Variants in RAB7B observed in about 807,000 individuals in gnomAD.
RAB7B encodes RAB7B, member RAS oncogene family.
At chr1:205,995,222 T>G (rs1660790352) in intron 1 of RAB7B, among the ~76,000 whole-genome samples, 1 of 152,040 alleles carries the variant, frequency 6.6e-6, no homozygotes, top group East Asian at 1.9e-4. Context: ...TAAACCTGCA[T>G]GTTGTGCACA....
intron 4 of RAB7B, among the ~76,000 whole-genome samples, chr1:205,992,241 T>C (rs1379315305): frequency 2.6e-5 from 4 of 152,232 alleles, no homozygotes; most frequent in East Asian, 1.9e-4. Context: ...TGCCTCTCTA[T>C]TGTGGTTCCT....
At chr1:205,991,358 A>T (rs1316789383) in intron 4 of RAB7B, among the ~76,000 whole-genome samples, 6 of 152,184 alleles carry the variant, frequency 3.9e-5, no homozygotes, top group African/African-American at 1.2e-4. Flanking sequence ...GATATTTGTA[A>T]TTAGAGAATT....
chr1:205,988,051 T>C (rs1411218111), intron 4 of RAB7B, among the ~76,000 whole-genome samples: 1 of 152,114 alleles, frequency 6.6e-6, no homozygotes, highest in Non-Finnish European at 1.5e-5. Flanking sequence ...ATTGTAACCA[T>C]TTTTAAGCAT....
At chr1:205,995,336 T>C (rs1055821385) in intron 1 of RAB7B, among the ~76,000 whole-genome samples, 21 of 152,114 alleles carry the variant, frequency 1.4e-4, no homozygotes, top group African/African-American at 2.9e-4. Context: ...TTCCCACTTG[T>C]ATAGAAAAAC....
chr1:205,987,975 C>T (rs1660643089), intron 4 of RAB7B, among the ~76,000 whole-genome samples: 1 of 151,878 alleles, frequency 6.6e-6, no homozygotes, highest in African/African-American at 2.4e-5. Context: ...GAACTCCTGA[C>T]CTCAAGTGAT....
chr1:205,984,749 C>A (rs1221002699), intron 5 of RAB7B, among the ~76,000 whole-genome samples: 1 of 152,152 alleles, frequency 6.6e-6, no homozygotes, highest in African/African-American at 2.4e-5. Flanking sequence ...GTCATGAAGC[C>A]CCTGCTTTCT....
chr1:205,980,477 C>G (rs1005099545), intron 5 of RAB7B, among the ~76,000 whole-genome samples: 19 of 152,252 alleles, frequency 1.2e-4, no homozygotes, highest in African/African-American at 4.6e-4. Context: ...GGCCCCAGGC[C>G]TCTTGACAAC....
At chr1:206,002,965 C>T (rs1044646732) in intron 1 of RAB7B, among the ~76,000 whole-genome samples, 2 of 152,236 alleles carry the variant, frequency 1.3e-5, no homozygotes, top group Non-Finnish European at 2.9e-5. Context: ...GGCAGCAGCG[C>T]CATCCTCTCC....
intron 1 of RAB7B, among the ~76,000 whole-genome samples, chr1:205,999,115 C>T (rs1403286637): frequency 1.3e-5 from 2 of 152,166 alleles, no homozygotes; most frequent in African/African-American, 2.4e-5. Context: ...CGCCTTGCTC[C>T]ATAGTGCCCC....
intron 5 of RAB7B, among the ~76,000 whole-genome samples, chr1:205,982,660 G>A (rs1660515971): frequency 6.6e-6 from 1 of 152,184 alleles, no homozygotes; most frequent in African/African-American, 2.4e-5. Context: ...GAGAGGTAGA[G>A]CTGAGTATAA....
Position 205,978,622 on chromosome 1 carries a change from T to G in RAB7B, c.*229A>C. On this transcript the variant is annotated 3_prime_UTR_variant, in exon 6 of 6. Coordinates refer to ENST00000617070, the MANE Select transcript of RAB7B (RefSeq NM_001164522.3). ...GCAGGACCAGGGTTTGGCTCTGACA[T>G]TCCGGGCTTCATCCAGACGCTCTCA... The G allele has an allele frequency of 5.5e-6, 2 of 366,208 alleles. No individual in the cohort carries two copies. The highest frequency in any genetic ancestry group is 9.7e-6 in the Non-Finnish European group (2 of 205,698). The allele number at this position is 366,208 out of a possible 1,614,324, so 22.7% of individuals were successfully genotyped here.
chr1:205,996,839 G>T (rs1225297812), intron 1 of RAB7B, among the ~76,000 whole-genome samples: 1 of 151,912 alleles, frequency 6.6e-6, no homozygotes, highest in Non-Finnish European at 1.5e-5. Flanking sequence ...GAAGTGTAGA[G>T]CAAAGTGAGG....
chr1:205,997,059 A>G (rs1660821250), intron 1 of RAB7B, among the ~76,000 whole-genome samples: 1 of 152,192 alleles, frequency 6.6e-6, no homozygotes. Context: ...TTGAAGCTCT[A>G]CTCAGAGCTG....
chr1:205,998,653 C>T (rs941846874), intron 1 of RAB7B, among the ~76,000 whole-genome samples: 3 of 152,212 alleles, frequency 2.0e-5, no homozygotes, highest in Admixed American at 6.5e-5. Context: ...TGCTTTCACA[C>T]GCTGTCACAC....
At chr1:205,981,597 C>G (rs905320095) in intron 5 of RAB7B, among the ~76,000 whole-genome samples, 19 of 147,564 alleles carry the variant, frequency 1.3e-4, no homozygotes, top group African/African-American at 4.5e-4. Flanking sequence ...AACTGAACAC[C>G]TACTCTGGTT....
chr1:205,983,786 A>T (rs1214827885), intron 5 of RAB7B: 1 of 105,852 alleles, frequency 9.4e-6, no homozygotes, highest in African/African-American at 4.9e-5. Flanking sequence ...AGGGTGTTAT[A>T]AAAAAAATGC....
chr1:205,990,044 T>A (rs1257800164), intron 4 of RAB7B, among the ~76,000 whole-genome samples: 1 of 152,088 alleles, frequency 6.6e-6, no homozygotes, highest in Non-Finnish European at 1.5e-5. Flanking sequence ...CCCCACACCC[T>A]ACAGACATGA....
Position 206,002,026 on chromosome 1 carries a change from G to A in RAB7B, c.-17+1227C>T, listed in dbSNP as rs977058315. 2.0e-4 allele frequency among the ~76,000 whole-genome samples: 30 copies of A among 152,162 alleles called. No homozygotes were observed. The South Asian group carries it at 5.8e-3, about 29-fold the overall frequency. On this transcript the variant is annotated intron_variant, in intron 1 of 5. Coordinates refer to ENST00000617070, the MANE Select transcript of RAB7B (RefSeq NM_001164522.3). Reference sequence around the variant, plus strand: ...GATTCTGAAGCAGACAGAGTCTCCCGCCCCCATCATACTATCTTTCCAGGC... The same window carrying A: ...GATTCTGAAGCAGACAGAGTCTCCCACCCCCATCATACTATCTTTCCAGGC...
At chr1:205,993,584 C>CAA in intron 2 of RAB7B, 38 bp from the exon 3 acceptor site, 1 of 398,502 alleles carries the variant, frequency 2.5e-6, no homozygotes, top group Non-Finnish European at 4.4e-6. Context: ...CACACACATG[C>CAA]AAACACACAT....
Sources: gnomAD v4.1 joint callset for allele counts (sites outside exome capture counted in the v4.1 genomes callset) on GRCh38, gnomAD v4.1.1 for gene constraint, MANE v1.5 for transcripts, NCBI Gene and HGNC (gene_info 2026-07-23, HGNC 2026-07-21) for gene names.